Variants in ADAM2 observed in about 807,000 individuals in gnomAD.
The protein encoded by ADAM2 is ADAM metallopeptidase domain 2, also known as disintegrin and metalloproteinase domain-containing protein 2.
Under a neutral mutation model 99.3 loss-of-function variants are expected in ADAM2, and 101 were observed. The observed-to-expected ratio is 1.02, with a 90% CI of 0.87 to 1.20. ADAM2 has a LOEUF of 1.20. ADAM2 is among the 50% of genes most tolerant of loss of function. The pLI is 0.00. For synonymous variants in ADAM2, 323 were observed against 287.6 expected, an observed-to-expected ratio of 1.12 and a Z score of -1.25; for missense variants, 948 against 878.7, an observed-to-expected ratio of 1.08 and a Z score of -1.00.
intron 1 of ADAM2, 55 bp downstream of exon 1, chr8:39,838,076 A>C (rs943410042): frequency 6.3e-7 from 1 of 1,580,300 alleles, no homozygotes; most frequent in Admixed American, 1.7e-5. Context: ...TTGGAGGCAA[A>C]GGGAGAGTAG....
rs201824657 is a variant in ADAM2, at chr8:39,772,109, TA to T, written c.1029-2535del. On this transcript the variant is annotated intron_variant, in intron 11 of 20. Transcript: ENST00000265708. The stretch of plus-strand genomic sequence containing the variant: ...AAAAGAAAGAGGGGAGAGAGAACGG[TA>T]AAAAAAAAAAAAAAGAAAAGAAAGT... Among the ~76,000 whole-genome samples the T allele has an allele frequency of 7.9e-3, 1,004 of 127,458 alleles. 11 individuals carry two copies. Among genetic ancestry groups the T allele is most frequent in the African/African-American group, 0.013 (469 of 35,156 alleles). The allele number at this position is 127,458 out of a possible 152,430, so 83.6% of individuals were successfully genotyped here.
chr8:39,770,216 G>A (rs1802727304), intron 11 of ADAM2, among the ~76,000 whole-genome samples: 1 of 151,958 alleles, frequency 6.6e-6, no homozygotes, highest in African/African-American at 2.4e-5. Flanking sequence ...CAAAGTGTTG[G>A]GATTACAGGC....
In ADAM2 at chr8:39,824,917, T is replaced by G. The variant is rs572319861; in HGVS notation, c.189-20A>C. The stretch of plus-strand genomic sequence containing the variant: ...AAGTTTCTGTAACATAAAGATAAAA[T>G]GGAAAAATTTGATTCTTAACCTTTT... On this transcript the variant is annotated intron_variant, in intron 3 of 20. Coordinates refer to ENST00000265708, the MANE Select transcript of ADAM2 (RefSeq NM_001464.5). 1.9e-6 allele frequency: 2 copies of G among 1,077,676 alleles called. No homozygotes were observed. Among genetic ancestry groups the G allele is most frequent in the Non-Finnish European group, 2.8e-6 (2 of 711,174 alleles). The allele number at this position is 1,077,676 out of a possible 1,614,324, so 66.8% of individuals were successfully genotyped here. A position where few individuals can be genotyped will look rare whatever the true frequency, so the allele number is the denominator to read the frequency against.
chr8:39,813,276 G>A (rs1204899788), intron 6 of ADAM2, among the ~76,000 whole-genome samples: 10 of 152,200 alleles, frequency 6.6e-5, no homozygotes, highest in Admixed American at 6.5e-4. Flanking sequence ...AACAACAGGT[G>A]CTGGAGAGGA....
intron 3 of ADAM2, among the ~76,000 whole-genome samples, chr8:39,827,624 C>T (rs149537730): frequency 6.6e-6 from 1 of 152,048 alleles, no homozygotes; most frequent in Non-Finnish European, 1.5e-5. Flanking sequence ...GCAAAATAAG[C>T]CAAGTTTAGA....
intron 11 of ADAM2, among the ~76,000 whole-genome samples, chr8:39,772,667 A>C (rs1481876714): frequency 1.3e-5 from 2 of 152,034 alleles, no homozygotes; most frequent in Non-Finnish European, 2.9e-5. Context: ...GATCTCAATC[A>C]AGATATTTCT....
chr8:39,773,405 A>G (rs1586079284), intron 11 of ADAM2, among the ~76,000 whole-genome samples: 1 of 151,832 alleles, frequency 6.6e-6, no homozygotes, highest in East Asian at 1.9e-4. Flanking sequence ...TAAACTTACC[A>G]CAAACTAAGT....
chr8:39,764,337 G>A (rs1010692228), intron 14 of ADAM2, among the ~76,000 whole-genome samples: 2 of 152,204 alleles, frequency 1.3e-5, no homozygotes, highest in Non-Finnish European at 2.9e-5. Flanking sequence ...TTGACCTTGG[G>A]AGTTGGAGGC....
intron 7 of ADAM2, among the ~76,000 whole-genome samples, chr8:39,801,560 T>C (rs530434845): frequency 6.6e-6 from 1 of 152,272 alleles, no homozygotes; most frequent in Admixed American, 6.5e-5. Flanking sequence ...GGGTGTGTTT[T>C]ACTAGGGGGA....
chr8:39,772,109 T>A (rs1369652049), intron 11 of ADAM2, among the ~76,000 whole-genome samples: 1 of 127,566 alleles, frequency 7.8e-6, no homozygotes, highest in Admixed American at 8.0e-5. Flanking sequence ...GAGAGAACGG[T>A]AAAAAAAAAA....
At chr8:39,785,159 C>T (rs10100159) in intron 10 of ADAM2, among the ~76,000 whole-genome samples, 70,460 of 152,078 alleles carry the variant, frequency 0.46, 16,581 homozygotes, top group South Asian at 0.6. Flanking sequence ...CCTAGGTCTT[C>T]TTCTAGAACC....
intron 3 of ADAM2, among the ~76,000 whole-genome samples, chr8:39,831,321 T>A (rs1374889796): frequency 6.6e-6 from 1 of 152,140 alleles, no homozygotes; most frequent in Non-Finnish European, 1.5e-5. Context: ...CCTGAGCTGA[T>A]AAAGTGTAAA....
At chr8:39,795,419 G>C (rs532909703) in intron 7 of ADAM2, among the ~76,000 whole-genome samples, 1 of 152,198 alleles carries the variant, frequency 6.6e-6, no homozygotes, top group African/African-American at 2.4e-5. Context: ...TCTGAAGCCT[G>C]CTACCTGGAG....
intron 6 of ADAM2, among the ~76,000 whole-genome samples, chr8:39,814,864 A>T (rs1804873847): frequency 6.6e-6 from 1 of 150,982 alleles, no homozygotes; most frequent in Non-Finnish European, 1.5e-5. Context: ...TATATATTAT[A>T]TGTGATGATA....
chr8:39,753,154 T>G (rs1802013452), intron 16 of ADAM2, among the ~76,000 whole-genome samples: 1 of 152,294 alleles, frequency 6.6e-6, no homozygotes, highest in South Asian at 2.1e-4. Flanking sequence ...ATGGCTTTGA[T>G]CAAAATGCGC....
intron 15 of ADAM2, among the ~76,000 whole-genome samples, chr8:39,759,018 G>A (rs1023906772): frequency 4.6e-5 from 7 of 151,898 alleles, no homozygotes; most frequent in Admixed American, 4.6e-4. Context: ...AATCACTAAT[G>A]GATTTTAAAA....
chr8:39,751,937 A>G (rs972913439), intron 16 of ADAM2, among the ~76,000 whole-genome samples: 4 of 152,054 alleles, frequency 2.6e-5, no homozygotes, highest in Admixed American at 2.0e-4. Flanking sequence ...GGTTCAAGCA[A>G]TTCTCGTGCC....
chr8:39,804,202 T>C (rs1227890750), intron 7 of ADAM2, among the ~76,000 whole-genome samples: 1 of 152,228 alleles, frequency 6.6e-6, no homozygotes, highest in East Asian at 1.9e-4. Context: ...AGTGAGAATA[T>C]GCCCTATCAT....
At chr8:39,797,997 C>T (rs1197239668) in intron 7 of ADAM2, among the ~76,000 whole-genome samples, 4 of 151,884 alleles carry the variant, frequency 2.6e-5, no homozygotes, top group African/African-American at 9.7e-5. Flanking sequence ...CAGACAACTT[C>T]ACTTACTCTC....
Sources: gnomAD v4.1 joint callset for allele counts (sites outside exome capture counted in the v4.1 genomes callset) on GRCh38, gnomAD v4.1.1 for gene constraint, MANE v1.5 for transcripts, NCBI Gene and HGNC (gene_info 2026-07-23, HGNC 2026-07-21) for gene names.